The following SYT17 variants were observed in gnomAD, a reference collection of about 807,000 sequenced individuals.
The protein encoded by SYT17 is synaptotagmin 17.
In SYT17, 22 loss-of-function variants were observed where a neutral mutation model predicts 46.7. The ratio of observed to expected loss-of-function variants is 0.47; its 90% confidence interval spans 0.34 to 0.67. SYT17 has a LOEUF of 0.67. SYT17 is among the 30% of genes least tolerant of loss of function. The pLI, the probability that SYT17 is intolerant of heterozygous loss-of-function variation, is 0.01. For missense variants in SYT17, 519 were observed against 612.8 expected (o/e 0.85, Z 1.62); for synonymous variants, 251 against 248.4 (o/e 1.01, Z -0.10).
intron 7 of SYT17, among the ~76,000 whole-genome samples, chr16:19,250,405 T>C (rs954771812): frequency 6.4e-5 from 4 of 62,416 alleles, no homozygotes; most frequent in African/African-American, 2.1e-4. Context: ...GTGTGTGTGT[T>C]TGGAGACAGG....
At chr16:19,180,253 C>G in intron 3 of SYT17, 138 bp from the exon 4 acceptor site, 2 of 851,730 alleles carry the variant, frequency 2.3e-6, no homozygotes, top group South Asian at 1.7e-5. Context: ...GGACACCACA[C>G]TGTCAAATTT....
At position 19,175,667 on chromosome 16, in the gene SYT17, A is replaced by AAAG. The variant is rs376222728; in HGVS notation, c.182+2089_182+2090insAAG. Among the ~76,000 whole-genome samples, 470 of 147,010 alleles carry AAAG rather than the reference A, an allele frequency of 3.2e-3. 7 individuals are homozygous for AAAG. The highest frequency in any genetic ancestry group is 7.1e-3 in the Middle Eastern group (2 of 282). ...CTTCAAAAAAAAAAAAAAAAAAAAA[A>AAAG]GGATTCTACTGGTCTATGTAGCAGA... On this transcript the variant is annotated intron_variant, in intron 3 of 7. Coordinates refer to ENST00000355377, the MANE Select transcript of SYT17 (RefSeq NM_016524.4).
chr16:19,180,111 CT>C (rs1238600756), intron 3 of SYT17: 12 of 356,072 alleles, frequency 3.4e-5, no homozygotes, highest in Non-Finnish European at 6.3e-5. Flanking sequence ...GACAGCTTAA[CT>C]TTACACAGCT....
chr16:19,236,629 G>A lies in SYT17; in HGVS notation c.1228+11791G>A, dbSNP rs374323962. On this transcript the variant is annotated intron_variant, in intron 7 of 7. Coordinates refer to ENST00000355377, the MANE Select transcript of SYT17 (RefSeq NM_016524.4). ...GACTACAGTTTTATTACAGCAAAAG[G>A]GTGCAAATTAAAATCAGCCAAGGGA... 5.3e-5 allele frequency among the ~76,000 whole-genome samples: 8 copies of A among 152,242 alleles called. No homozygotes were observed. In the East Asian group the frequency reaches 1.2e-3, roughly 22 times the overall value.
At chr16:19,182,587 C>T (rs1039831318) in intron 4 of SYT17, among the ~76,000 whole-genome samples, 5 of 152,178 alleles carry the variant, frequency 3.3e-5, no homozygotes, top group African/African-American at 1.2e-4. Context: ...GCTCTGAACA[C>T]AGGTTATCTC....
At chr16:19,185,923 G>T (rs1455006642) in intron 5 of SYT17, among the ~76,000 whole-genome samples, 1 of 152,120 alleles carries the variant, frequency 6.6e-6, no homozygotes, top group African/African-American at 2.4e-5. Context: ...TATCTAATTG[G>T]GCAGACAAGA....
intron 7 of SYT17, among the ~76,000 whole-genome samples, chr16:19,244,247 T>C (rs1482383512): frequency 6.6e-6 from 1 of 152,224 alleles, no homozygotes; most frequent in African/African-American, 2.4e-5. Context: ...TAGAAGTCAC[T>C]GTATCAGTTA....
chr16:19,212,931 GGGCTCTGGATTGT>G (rs1302581239), intron 5 of SYT17, among the ~76,000 whole-genome samples: 5 of 152,182 alleles, frequency 3.3e-5, no homozygotes, highest in Non-Finnish European at 5.9e-5. Context: ...GGATCTTTCT[GGGCTCTGGATTGT>G]GGCTGGTGCT....
chr16:19,263,236 C>T (rs1217133673), intron 7 of SYT17, among the ~76,000 whole-genome samples: 3 of 152,002 alleles, frequency 2.0e-5, no homozygotes, highest in Non-Finnish European at 4.4e-5. Context: ...GCTATCACAC[C>T]CCATTCCCTC....
intron 7 of SYT17, among the ~76,000 whole-genome samples, chr16:19,255,084 T>A (rs1255827809): frequency 1.3e-5 from 2 of 152,202 alleles, no homozygotes; most frequent in African/African-American, 4.8e-5. Context: ...TCGCTCTAAA[T>A]TTGTTTTCTG....
In SYT17 at chr16:19,267,823, T is replaced by C. The variant is rs1969462034; in HGVS notation, c.*747T>C. 1 of 152,256 alleles carries C rather than the reference T, an allele frequency of 6.6e-6. No homozygotes were observed. Among genetic ancestry groups the C allele is most frequent in the South Asian group, 2.1e-4 (1 of 4,828 alleles). 9.4% of individuals were successfully genotyped at this position (152,256 alleles called of 1,614,324 possible). A position where few individuals can be genotyped will look rare whatever the true frequency, so the allele number is the denominator to read the frequency against. On this transcript the variant is annotated 3_prime_UTR_variant, in exon 8 of 8. Transcript: ENST00000355377. Reference sequence around the variant, plus strand: ...TGCCTATGTGTCCTCTTGGAGAGCATGGCGATGGGCCAGGACCTCAGCCCT... The same window carrying C: ...TGCCTATGTGTCCTCTTGGAGAGCACGGCGATGGGCCAGGACCTCAGCCCT...
intron 1 of SYT17, chr16:19,172,498 A>G: frequency 6.7e-7 from 1 of 1,484,506 alleles, no homozygotes; most frequent in Non-Finnish European, 8.8e-7. Flanking sequence ...TGCAAATCAA[A>G]TCGAAATGCT....
At chr16:19,191,929 C>T (rs968700536) in intron 5 of SYT17, among the ~76,000 whole-genome samples, 4 of 152,126 alleles carry the variant, frequency 2.6e-5, no homozygotes, top group Admixed American at 6.5e-5. Flanking sequence ...GGACTACAGG[C>T]GCCCGCCACC....
chr16:19,250,344 A>T (rs2142994762), intron 7 of SYT17, among the ~76,000 whole-genome samples: 1 of 140,812 alleles, frequency 7.1e-6, no homozygotes, highest in Middle Eastern at 3.6e-3. Flanking sequence ...TTTCAAAAAG[A>T]TGTCTCAAAC....
chr16:19,248,519 C>G (rs1428733375), intron 7 of SYT17, among the ~76,000 whole-genome samples: 1 of 152,200 alleles, frequency 6.6e-6, no homozygotes. Context: ...GTGAGACATT[C>G]ATACATTAGA....
intron 3 of SYT17, among the ~76,000 whole-genome samples, chr16:19,178,586 C>G (rs1964416154): frequency 6.6e-6 from 1 of 152,224 alleles, no homozygotes. Context: ...GCCACCATGC[C>G]TAGCTCCTGA....
chr16:19,191,934 G>A (rs547571777), intron 5 of SYT17, among the ~76,000 whole-genome samples: 4 of 152,158 alleles, frequency 2.6e-5, no homozygotes, highest in South Asian at 2.1e-4. Flanking sequence ...ACAGGCGCCC[G>A]CCACCACACC....
chr16:19,266,756 T>G, intron 7 of SYT17, 124 bp from the exon 8 acceptor site: 1 of 783,592 alleles, frequency 1.3e-6, no homozygotes, highest in Non-Finnish European at 1.9e-6. Context: ...CCCTAAACGA[T>G]GACCCCCATG....
chr16:19,222,310 A>G (rs1167173466), intron 5 of SYT17, among the ~76,000 whole-genome samples: 1 of 151,770 alleles, frequency 6.6e-6, no homozygotes, highest in Non-Finnish European at 1.5e-5. Context: ...TTTTTTTAAA[A>G]GGGGACAGAG....
Sources: allele counts gnomAD v4.1 joint callset (sites outside exome capture counted in the v4.1 genomes callset), GRCh38; gene constraint gnomAD v4.1.1; transcripts MANE v1.5; gene names NCBI Gene and HGNC (gene_info 2026-07-23, HGNC 2026-07-21).